AFF3: variants seen among roughly 807,000 people sequenced by gnomAD.
The protein encoded by AFF3 is AF4/FMR2 family member 3.
AFF3 carries 32 observed loss-of-function variants against 129.7 expected under a neutral mutation model. That is an observed-to-expected ratio of 0.25 (90% CI 0.19 to 0.33). AFF3 has a LOEUF of 0.33. Among genes scored for constraint, AFF3 ranks in the 10% least tolerant of loss-of-function variants. AFF3 has a pLI of 1.00. For synonymous variants in AFF3, 644 were observed against 635.4 expected, an observed-to-expected ratio of 1.01 and a Z score of -0.20; for missense variants, 1,373 against 1,592.0, an observed-to-expected ratio of 0.86 and a Z score of 2.34.
chr2:100,103,924 C>G (rs1194066502), intron 4 of AFF3, among the ~76,000 whole-genome samples: 1 of 151,238 alleles, frequency 6.6e-6, no homozygotes, highest in Non-Finnish European at 1.5e-5. Context: ...AGGATGCAGC[C>G]GAGACCGGGC....
At chr2:99,750,787 G>C (rs1681579561) in intron 9 of AFF3, among the ~76,000 whole-genome samples, 1 of 152,044 alleles carries the variant, frequency 6.6e-6, no homozygotes, top group African/African-American at 2.4e-5. Flanking sequence ...TCCTACTCAA[G>C]GTATCCTTAT....
intron 4 of AFF3, among the ~76,000 whole-genome samples, chr2:100,050,221 G>A (rs1382887904): frequency 6.6e-6 from 1 of 151,978 alleles, no homozygotes; most frequent in African/African-American, 2.4e-5. Context: ...AGGCAGTTAT[G>A]CTTGCAAATG....
At chr2:100,073,771 T>C (rs1305898560) in intron 4 of AFF3, among the ~76,000 whole-genome samples, 1 of 152,208 alleles carries the variant, frequency 6.6e-6, no homozygotes, top group African/African-American at 2.4e-5. Flanking sequence ...TCAGATGACC[T>C]CTTCATAGGA....
At chr2:99,957,660 G>A (rs1203446494) in intron 7 of AFF3, among the ~76,000 whole-genome samples, 1 of 152,216 alleles carries the variant, frequency 6.6e-6, no homozygotes, top group East Asian at 1.9e-4. Context: ...CACTAGTGCT[G>A]TCTGTGACAG....
Position 99,892,026 on chromosome 2 carries a change from A to G in AFF3, c.874-54502T>C, listed in dbSNP as rs190591732. 4.5e-3 allele frequency among the ~76,000 whole-genome samples: 683 copies of G among 151,976 alleles called. 6 individuals carry two copies. The highest frequency in any genetic ancestry group is 0.013 in the African/African-American group (552 of 41,480). On this transcript the variant is annotated intron_variant, in intron 7 of 24. Transcript: ENST00000672756. ...TTTAGTAGAGACAGGGTTTCACCGT[A>G]TTAGCCAGGATGGTCTCAATCTCCT...
intron 8 of AFF3, among the ~76,000 whole-genome samples, chr2:99,787,095 T>C (rs1007345257): frequency 1.2e-4 from 18 of 152,116 alleles, no homozygotes; most frequent in African/African-American, 4.3e-4. Context: ...TTTAAAAACA[T>C]ATAAAAGAGC....
intron 8 of AFF3, among the ~76,000 whole-genome samples, chr2:99,832,286 AG>A (rs1688566246): frequency 6.6e-6 from 1 of 152,240 alleles, no homozygotes; most frequent in African/African-American, 2.4e-5. Flanking sequence ...AAAATGAAAC[AG>A]GTAAGTATCA....
At chr2:99,668,050 C>T (rs568093169) in intron 12 of AFF3, among the ~76,000 whole-genome samples, 2 of 151,994 alleles carry the variant, frequency 1.3e-5, no homozygotes, top group African/African-American at 4.8e-5. Flanking sequence ...CCCAGCTACT[C>T]AGGAGGCTGA....
intron 7 of AFF3, among the ~76,000 whole-genome samples, chr2:99,934,059 T>C (rs1013558467): frequency 4.6e-5 from 7 of 152,008 alleles, no homozygotes; most frequent in African/African-American, 1.2e-4. Flanking sequence ...TAGAATGGTG[T>C]AGAACAACAG....
At chr2:99,904,279 G>A (rs1397844298) in intron 7 of AFF3, among the ~76,000 whole-genome samples, 1 of 152,088 alleles carries the variant, frequency 6.6e-6, no homozygotes, top group African/African-American at 2.4e-5. Flanking sequence ...AGAGTAGCTA[G>A]GCAAGGACAT....
At chr2:99,721,345 A>G (rs903913868) in intron 11 of AFF3, among the ~76,000 whole-genome samples, 3 of 152,098 alleles carry the variant, frequency 2.0e-5, no homozygotes, top group African/African-American at 7.2e-5. Context: ...CCTGGCCAAC[A>G]TGGTGAAATC....
In AFF3 at chr2:99,754,231, C is replaced by G. The variant is rs556109358; in HGVS notation, c.922-1930G>C. 3.3e-5 allele frequency among the ~76,000 whole-genome samples: 5 copies of G among 152,288 alleles called. No homozygotes were observed. The South Asian group carries it at 1.0e-3, about 32-fold the overall frequency. ...AATCTTCTGTAGAGAAATTATTCAT[C>G]AATTACAAACTATTAAACCAATTGT... On this transcript the variant is annotated intron_variant, in intron 8 of 24. Transcript: ENST00000672756.
intron 8 of AFF3, among the ~76,000 whole-genome samples, chr2:99,812,774 C>G (rs919310381): frequency 1.6e-4 from 25 of 152,190 alleles, no homozygotes; most frequent in Admixed American, 3.9e-4. Context: ...AGCAGAACAT[C>G]TAATTACAGT....
chr2:99,946,423 G>A (rs376679394), intron 7 of AFF3, among the ~76,000 whole-genome samples: 7 of 133,948 alleles, frequency 5.2e-5, no homozygotes, highest in South Asian at 2.6e-4. Context: ...GCAGTGAGCC[G>A]CAATCACACC....
chr2:99,693,034 C>G (rs138115510), intron 11 of AFF3, among the ~76,000 whole-genome samples: 1 of 152,334 alleles, frequency 6.6e-6, no homozygotes, highest in East Asian at 1.9e-4. Context: ...AATCCATACT[C>G]CCATATGCAT....
chr2:99,770,446 G>A (rs975328227), intron 8 of AFF3, among the ~76,000 whole-genome samples: 5 of 152,200 alleles, frequency 3.3e-5, no homozygotes, highest in African/African-American at 4.8e-5. Flanking sequence ...CTGGAATCAG[G>A]GACACCAAGA....
intron 18 of AFF3, among the ~76,000 whole-genome samples, chr2:99,569,778 C>T (rs149828367): frequency 1.1e-4 from 16 of 152,242 alleles, no homozygotes; most frequent in African/African-American, 3.4e-4. Context: ...TAAACTTGAC[C>T]TATTCATGAA....
intron 19 of AFF3, 62 bp from the exon 20 acceptor site, chr2:99,565,685 A>G: frequency 1.3e-6 from 2 of 1,574,140 alleles, no homozygotes; most frequent in Admixed American, 1.7e-5. Flanking sequence ...TGGCATTGTC[A>G]TGTAGTTTAT....
chr2:99,979,841 A>G, intron 7 of AFF3, among the ~76,000 whole-genome samples: 1 of 152,098 alleles, frequency 6.6e-6, no homozygotes, highest in Non-Finnish European at 1.5e-5. Context: ...CTATCTCTAT[A>G]TTCAAAATCC....
Sources: allele counts gnomAD v4.1 joint callset (sites outside exome capture counted in the v4.1 genomes callset), GRCh38; gene constraint gnomAD v4.1.1; transcripts MANE v1.5; gene names NCBI Gene and HGNC (gene_info 2026-07-23, HGNC 2026-07-21).